Variants in MTUS1 observed in about 807,000 individuals in gnomAD.
MTUS1 encodes microtubule associated scaffold protein 1, also known as microtubule-associated tumor suppressor 1.
A neutral mutation model predicts 120.8 loss-of-function variants in MTUS1; 109 were observed. The ratio of observed to expected loss-of-function variants is 0.90; its 90% CI spans 0.77 to 1.06. The LOEUF is 1.06. Among genes scored for constraint, MTUS1 ranks in the 50% least tolerant of loss-of-function variants. The pLI is 0.00. For synonymous variants in MTUS1, 737 were observed against 550.5 expected (o/e 1.34, Z -4.74); for missense variants, 2,210 against 1,486.3 (o/e 1.49, Z -8.01).
rs145654440 is a variant in MTUS1 at position 17,647,073 on chromosome 8, T to C, written c.3508A>G (p.Asn1170Asp). 8 of 1,613,716 alleles carry C rather than the reference T, an allele frequency of 5.0e-6. No individual in the cohort carries two copies. The highest frequency in any genetic ancestry group is 1.7e-5 in the Admixed American group (1 of 59,992). Residue 1170 changes from asparagine (N) to aspartate (D), a missense_variant, in exon 14 of 15, where the codon AAC (asparagine) becomes GAC (aspartate). Physicochemically the swap from Asn to Asp is conservative, Grantham distance 23 (BLOSUM62 1). Coordinates refer to ENST00000693296, the MANE Select transcript of MTUS1 (RefSeq NM_001363059.2). The part of the protein sequence containing the change: ...KLMKMEKLVD[N>D]NTALVDKLKR... ...AATTTGTCAACCAATGCTGTGTTGT[T>C]GTCCACCTTGGCATAAACAAGAATT...
At chr8:17,773,615 G>A (rs887349018) in intron 1 of MTUS1, among the ~76,000 whole-genome samples, 3 of 152,160 alleles carry the variant, frequency 2.0e-5, no homozygotes, top group African/African-American at 7.2e-5. Context: ...ATCACATAGT[G>A]AGACAGTAAG....
At chr8:17,770,018 A>T (rs1235552726) in intron 1 of MTUS1, among the ~76,000 whole-genome samples, 3 of 152,106 alleles carry the variant, frequency 2.0e-5, no homozygotes, top group Non-Finnish European at 4.4e-5. Flanking sequence ...TGACATATAA[A>T]GTATATAATA....
At chr8:17,701,815 C>G (rs1187384297) in intron 6 of MTUS1, among the ~76,000 whole-genome samples, 4 of 152,144 alleles carry the variant, frequency 2.6e-5, no homozygotes, top group African/African-American at 9.7e-5. Flanking sequence ...TCCCAAAGTG[C>G]TGGGATTACA....
chr8:17,761,621 T>G (rs916429367), intron 1 of MTUS1, among the ~76,000 whole-genome samples: 1 of 152,224 alleles, frequency 6.6e-6, no homozygotes, highest in African/African-American at 2.4e-5. Flanking sequence ...AATTTGGACC[T>G]AATATAGTTA....
chr8:17,754,119 T>C lies in MTUS1; in HGVS notation c.1689A>G (p.Ala563=), dbSNP rs755579031. Residue 563 remains alanine (A), a synonymous_variant, in exon 2 of 15, where the codon GCA becomes GCG. Coordinates refer to ENST00000693296, the MANE Select transcript of MTUS1 (RefSeq NM_001363059.2). The part of the protein sequence containing the change: ...LSRTPRSDLN[A]DKKAEILINK... ...TAATTAGAATTTCTGCTTTTTTGTC[T>C]GCATTCAAGTCAGATCTCGGTGTTC... 6.2e-7 allele frequency: 1 copy of C among 1,613,982 alleles called. No homozygotes were observed. The highest frequency in any genetic ancestry group is 1.7e-5 in the Admixed American group (1 of 60,016).
chr8:17,667,514 T>C (rs1200620831), intron 8 of MTUS1, among the ~76,000 whole-genome samples: 1 of 152,212 alleles, frequency 6.6e-6, no homozygotes, highest in Non-Finnish European at 1.5e-5. Flanking sequence ...CTGGGTTAAG[T>C]GTTGATTAGG....
chr8:17,648,455 T>C (rs539120469), intron 13 of MTUS1, among the ~76,000 whole-genome samples: 13 of 152,354 alleles, frequency 8.5e-5, no homozygotes, highest in Admixed American at 6.5e-4. Flanking sequence ...GAATGGCATA[T>C]GGAGCAGTCC....
chr8:17,786,767 T>C (rs962918525), intron 1 of MTUS1, among the ~76,000 whole-genome samples: 8 of 152,232 alleles, frequency 5.3e-5, no homozygotes, highest in Middle Eastern at 3.4e-3. Context: ...GGAGCTGGGT[T>C]TCATATGTGA....
intron 6 of MTUS1, among the ~76,000 whole-genome samples, chr8:17,685,958 A>C (rs1815703395): frequency 6.6e-6 from 1 of 152,138 alleles, no homozygotes; most frequent in Non-Finnish European, 1.5e-5. Flanking sequence ...TGAAGGAAGA[A>C]CAAATTATTA....
rs112567237 is a variant in MTUS1, at chr8:17,742,392, G to A, written c.2287+1212C>T. Among the ~76,000 whole-genome samples the A allele has an allele frequency of 2.4e-3, 358 of 149,194 alleles. 1 individual carries two copies. Among genetic ancestry groups the A allele is most frequent in the African/African-American group, 8.4e-3 (340 of 40,596 alleles). On this transcript the variant is annotated intron_variant, in intron 3 of 14. Coordinates refer to ENST00000693296, the MANE Select transcript of MTUS1 (RefSeq NM_001363059.2). Reference sequence around the variant, plus strand: ...GGCTTCCTAAAGCACTGGGATTTCAGGCATAAACCACCACACCCAGCCAGG... The same window carrying A: ...GGCTTCCTAAAGCACTGGGATTTCAAGCATAAACCACCACACCCAGCCAGG...
At chr8:17,646,162 C>G (rs758634069) in intron 14 of MTUS1, 23 bp from the exon 15 acceptor site, 2 of 1,563,040 alleles carry the variant, frequency 1.3e-6, no homozygotes, top group Admixed American at 2.1e-5. Flanking sequence ...GGCCAGAAAC[C>G]ATGAGATCTA....
intron 8 of MTUS1, chr8:17,674,900 C>T (rs1585592180): frequency 8.2e-7 from 1 of 1,219,540 alleles, no homozygotes. Flanking sequence ...CAGGAATTCA[C>T]ACAATTACAA....
chr8:17,773,084 G>A (rs572246168), intron 1 of MTUS1, among the ~76,000 whole-genome samples: 1 of 152,104 alleles, frequency 6.6e-6, no homozygotes, highest in African/African-American at 2.4e-5. Context: ...TGTTAATTTA[G>A]GCTGAAGGAC....
intron 4 of MTUS1, chr8:17,722,468 C>T (rs1304285163): frequency 2.0e-6 from 2 of 985,140 alleles, no homozygotes; most frequent in Non-Finnish European, 2.4e-6. Flanking sequence ...GATTTTGTGC[C>T]ACACCTTCAA....
intron 8 of MTUS1, among the ~76,000 whole-genome samples, chr8:17,658,687 T>G (rs1352619429): frequency 6.6e-6 from 1 of 152,160 alleles, no homozygotes; most frequent in East Asian, 1.9e-4. Context: ...AGAAGATTAT[T>G]TTAGGGCACA....
chr8:17,670,559 C>G (rs1811806530), intron 8 of MTUS1, among the ~76,000 whole-genome samples: 1 of 152,148 alleles, frequency 6.6e-6, no homozygotes, highest in East Asian at 1.9e-4. Context: ...TGCCATGGCT[C>G]ACATCTGTAA....
intron 6 of MTUS1, chr8:17,697,455 T>A: frequency 1.9e-6 from 3 of 1,557,368 alleles, no homozygotes; most frequent in Non-Finnish European, 2.6e-6. Flanking sequence ...TTAAACTCAG[T>A]ACTCTTCAAG....
In MTUS1 at chr8:17,715,768, T is replaced by C. The variant is rs777918951; in HGVS notation, c.2583A>G (p.Lys861=). ...TTCAAACCACAATGAGGACTGTACC[T>C]TTTGGAGGAGTTTTCATCAAGTGAA... is the stretch of plus-strand genomic sequence containing the variant. ...AHVHLMKTPP[K]GPSRKNLFTA... is the part of the protein sequence containing the mutation. Residue 861 remains lysine (K), a splice_region_variant and synonymous_variant, in exon 5 of 15, where the codon AAA becomes AAG. Transcript: ENST00000693296. 9.9e-6 allele frequency: 16 copies of C among 1,611,878 alleles called. No individual in the cohort carries two copies. In the South Asian group the frequency reaches 1.5e-4, roughly 16 times the overall value.
At chr8:17,752,659 A>G (rs919237272) in intron 2 of MTUS1, among the ~76,000 whole-genome samples, 2 of 152,142 alleles carry the variant, frequency 1.3e-5, no homozygotes, top group Non-Finnish European at 2.9e-5. Flanking sequence ...CTGAAGACAC[A>G]CCTAAGTCAG....
Sources: gnomAD v4.1 joint callset for allele counts (sites outside exome capture counted in the v4.1 genomes callset) on GRCh38, gnomAD v4.1.1 for gene constraint, MANE v1.5 for transcripts, NCBI Gene and HGNC (gene_info 2026-07-23, HGNC 2026-07-21) for gene names.